The following CNNM2 variants were observed in gnomAD, a reference collection of about 807,000 sequenced individuals.
The protein encoded by CNNM2 is metal transporter CNNM2.
CNNM2 carries 12 observed loss-of-function variants against 66.9 expected under a neutral mutation model. The ratio of observed to expected loss-of-function variants is 0.18; its 90% CI spans 0.11 to 0.29. The LOEUF is 0.29. CNNM2 is among the 10% of genes least tolerant of loss of function. The probability of loss-of-function intolerance (pLI) is 1.00; values close to 1 mark genes in which losing one functional copy is unlikely to be tolerated. For synonymous variants in CNNM2, 557 were observed against 501.8 expected, an observed-to-expected ratio of 1.11 and a Z score of -1.47; for missense variants, 705 against 1,167.7, an observed-to-expected ratio of 0.60 and a Z score of 5.77.
chr10:103,016,702 C>T (rs1161412215), intron 1 of CNNM2, among the ~76,000 whole-genome samples: 1 of 152,290 alleles, frequency 6.6e-6, no homozygotes, highest in South Asian at 2.1e-4. Flanking sequence ...AGCCAGGCTT[C>T]GTTTGTAATC....
intron 1 of CNNM2, among the ~76,000 whole-genome samples, chr10:102,984,590 G>C (rs915473803): frequency 6.6e-6 from 1 of 152,092 alleles, no homozygotes; most frequent in Admixed American, 6.6e-5. Context: ...GGTAGTGCTC[G>C]CTCTACAACT....
intron 1 of CNNM2, among the ~76,000 whole-genome samples, chr10:102,970,034 T>A (rs1282049687): frequency 6.6e-6 from 1 of 152,272 alleles, no homozygotes; most frequent in African/African-American, 2.4e-5. Flanking sequence ...TGCTTACTTA[T>A]TTTTACTCTT....
At chr10:103,029,662 G>T (rs1475455589) in intron 1 of CNNM2, among the ~76,000 whole-genome samples, 8 of 151,586 alleles carry the variant, frequency 5.3e-5, no homozygotes, top group African/African-American at 9.7e-5. Flanking sequence ...AGGAGATAGA[G>T]ACCAGCCTGG....
At chr10:103,000,242 CAAATAAATAAATAAATAAATAAAT>C (rs139250349) in intron 1 of CNNM2, among the ~76,000 whole-genome samples, 7 of 146,302 alleles carry the variant, frequency 4.8e-5, no homozygotes, top group Non-Finnish European at 9.0e-5. Flanking sequence ...GTCTCAAAAA[CAAATAAATAAATAAATAAATAAAT>C]AAATAAATAA....
chr10:102,988,300 CA>C (rs1195717669), intron 1 of CNNM2, among the ~76,000 whole-genome samples: 2 of 151,662 alleles, frequency 1.3e-5, no homozygotes, highest in Non-Finnish European at 2.9e-5. Flanking sequence ...GAGGCTGTTT[CA>C]AAAAAATAAT....
At chr10:102,990,905 A>T (rs1351128934) in intron 1 of CNNM2, among the ~76,000 whole-genome samples, 1 of 152,146 alleles carries the variant, frequency 6.6e-6, no homozygotes, top group African/African-American at 2.4e-5. Flanking sequence ...TACATGGAGA[A>T]CTTTCACTGT....
At chr10:103,066,782 G>A (rs925060316) in intron 4 of CNNM2, among the ~76,000 whole-genome samples, 2 of 152,128 alleles carry the variant, frequency 1.3e-5, no homozygotes, top group African/African-American at 4.8e-5. Flanking sequence ...TCATGTGCTC[G>A]CCTGTCCCTG....
intron 1 of CNNM2, among the ~76,000 whole-genome samples, chr10:103,037,551 G>A (rs1442622274): frequency 6.6e-6 from 1 of 151,930 alleles, no homozygotes; most frequent in Middle Eastern, 3.2e-3. Context: ...TGAAATATTG[G>A]GTATAGTATA....
At chr10:103,073,218 G>A (rs2065623766) in intron 6 of CNNM2, among the ~76,000 whole-genome samples, 1 of 152,264 alleles carries the variant, frequency 6.6e-6, no homozygotes, top group South Asian at 2.1e-4. Context: ...AGAGGGCAGT[G>A]GGGCGAGAGG....
At chr10:102,990,384 CAATTGTAGGGAT>C (rs1477101554) in intron 1 of CNNM2, among the ~76,000 whole-genome samples, 3 of 152,114 alleles carry the variant, frequency 2.0e-5, no homozygotes, top group African/African-American at 7.2e-5. Context: ...GCTGGATAAG[CAATTGTAGGGAT>C]TTTGCGTGGG....
intron 1 of CNNM2, among the ~76,000 whole-genome samples, chr10:102,964,486 C>T (rs912510844): frequency 2.0e-5 from 3 of 152,164 alleles, no homozygotes; most frequent in African/African-American, 7.2e-5. Flanking sequence ...GCTTCGGCCT[C>T]CGAAAGAGCT....
intron 4 of CNNM2, among the ~76,000 whole-genome samples, chr10:103,064,389 T>C (rs1001970691): frequency 3.6e-5 from 4 of 111,674 alleles, no homozygotes; most frequent in Non-Finnish European, 8.7e-5. Flanking sequence ...TAGATAGCTG[T>C]TTTTTTTGTT....
At chr10:102,934,660 G>A (rs780837375) in intron 1 of CNNM2, among the ~76,000 whole-genome samples, 4 of 151,948 alleles carry the variant, frequency 2.6e-5, no homozygotes, top group Non-Finnish European at 5.9e-5. Context: ...TTGGAGATAA[G>A]CACAGAAAGA....
chr10:103,065,838 G>A lies in CNNM2; in HGVS notation c.2074-2791G>A, dbSNP rs1346154552. Among the ~76,000 whole-genome samples, 17 of 152,320 alleles carry A rather than the reference G, an allele frequency of 1.1e-4. No homozygotes were observed. In the East Asian group the frequency reaches 2.7e-3, roughly 24 times the overall value. On this transcript the variant is annotated intron_variant, in intron 4 of 7. Transcript: ENST00000369878. ...ACACGGAATTGGGGAGACATGTACC[G>A]TGGCTACTCCTGTGTGTGTTGCTAT...
At chr10:102,992,570 G>A (rs968988227) in intron 1 of CNNM2, among the ~76,000 whole-genome samples, 3 of 152,028 alleles carry the variant, frequency 2.0e-5, no homozygotes, top group Non-Finnish European at 4.4e-5. Context: ...CACCGTGCCC[G>A]GCCTCCAGTT....
intron 1 of CNNM2, among the ~76,000 whole-genome samples, chr10:103,047,477 G>T (rs139823996): frequency 6.6e-6 from 1 of 152,168 alleles, no homozygotes; most frequent in Non-Finnish European, 1.5e-5. Flanking sequence ...AATAATCAGC[G>T]AAATCCAAAT....
At chr10:103,024,958 A>G (rs928500066) in intron 1 of CNNM2, among the ~76,000 whole-genome samples, 3 of 152,214 alleles carry the variant, frequency 2.0e-5, no homozygotes, top group Admixed American at 6.5e-5. Context: ...GTAATACTTT[A>G]TAAAGGATGA....
chr10:102,920,244 G>C, intron 1 of CNNM2, 143 bp downstream of exon 1: 1 of 1,560,492 alleles, frequency 6.4e-7, no homozygotes, highest in Non-Finnish European at 8.7e-7. Context: ...AAGTTGAAAG[G>C]GTGGCGTGGA....
chr10:102,949,002 C>T (rs896643982), intron 1 of CNNM2, among the ~76,000 whole-genome samples: 15 of 152,216 alleles, frequency 9.9e-5, no homozygotes, highest in Non-Finnish European at 2.1e-4. Flanking sequence ...ACATACGCTG[C>T]TCTCTTTTAT....
Sources: allele counts gnomAD v4.1 joint callset (sites outside exome capture counted in the v4.1 genomes callset), GRCh38; gene constraint gnomAD v4.1.1; transcripts MANE v1.5; gene names NCBI Gene and HGNC (gene_info 2026-07-23, HGNC 2026-07-21).